The following SPTA1 variants were observed in gnomAD, a reference collection of about 807,000 sequenced individuals.
SPTA1 encodes spectrin alpha, erythrocytic 1.
SPTA1 carries 177 observed loss-of-function variants against 324.7 expected under a neutral mutation model. That is an observed-to-expected ratio of 0.55 (90% confidence interval 0.48 to 0.62). The LOEUF (loss-of-function observed/expected upper bound fraction) is 0.62. Among genes scored for constraint, SPTA1 ranks in the 20% least tolerant of loss-of-function variants. The pLI is 0.00. For missense variants in SPTA1, 3,162 were observed against 2,883.6 expected, an observed-to-expected ratio of 1.10 and a Z score of -2.21; for synonymous variants, 1,195 against 1,041.3, an observed-to-expected ratio of 1.15 and a Z score of -2.84.
chr1:158,685,096 G>T lies in SPTA1; in HGVS notation c.264+12C>A, dbSNP rs780523648. On this transcript the variant is annotated intron_variant, in intron 2 of 51. Transcript: ENST00000643759. The stretch of plus-strand genomic sequence containing the variant: ...AGGGTCTGCTCTGAGGCAATCAAGA[G>T]AACTGAGTGACCTGTATATTAGTTG... 9.3e-6 allele frequency: 15 copies of T among 1,613,434 alleles called. No homozygotes were observed. The Admixed American group carries it at 1.5e-4, about 16-fold the overall frequency.
At chr1:158,663,171 A>G (rs910324407) in intron 16 of SPTA1, among the ~76,000 whole-genome samples, 2 of 152,230 alleles carry the variant, frequency 1.3e-5, no homozygotes, top group Non-Finnish European at 2.9e-5. Flanking sequence ...CATATTTTAG[A>G]AACATCAAAA....
rs747304724 is a variant in SPTA1 at position 158,639,952 on chromosome 1, T to A, written c.4793A>T (p.Asp1598Val). ...HWDHLLERTN[D>V]KGKKLNEASR... ...GGCCTCATTGAGCTTCTTCCCTTTG[T>A]CATTTGTTCTCTCAAGCAGATGATC... is the stretch of plus-strand genomic sequence containing the variant. Residue 1598 changes from aspartate (D) to valine (V), a missense_variant, in exon 34 of 52, where the codon GAC becomes GTC. Physicochemically the swap from Asp to Val is radical, Grantham distance 152. Transcript: ENST00000643759. 4.3e-6 allele frequency: 7 copies of A among 1,613,944 alleles called. No homozygotes were observed. The highest frequency in any genetic ancestry group is 5.9e-6 in the Non-Finnish European group (7 of 1,179,922).
In SPTA1 at chr1:158,636,718, G is replaced by C; in HGVS notation, c.5233C>G (p.Leu1745Val). The change falls in exon 37 of 52, where the codon CTT (leucine) becomes GTT (valine). Residue 1745 changes from leucine to valine, a missense_variant. Leu to Val is a conservative substitution (Grantham distance 32). Coordinates refer to ENST00000643759, the MANE Select transcript of SPTA1 (RefSeq NM_003126.4). ...TTCAGCAAGTTCTGAACCCCCTGAA[G>C]ATCTCTCCCATAGTCCTGGGAGCTC... ...RVSSQDYGRD[L>V]QGVQNLLKKH... The C allele has an allele frequency of 1.2e-6, 2 of 1,614,108 alleles. No homozygotes were observed. Among genetic ancestry groups the C allele is most frequent in the Non-Finnish European group, 1.7e-6 (2 of 1,180,014 alleles).
intron 43 of SPTA1, 141 bp from the exon 44 acceptor site, chr1:158,620,607 G>T: frequency 2.0e-6 from 2 of 983,340 alleles, no homozygotes; most frequent in African/African-American, 1.6e-5. Context: ...AACCAATAGG[G>T]ACTGTGTACT....
intron 24 of SPTA1, among the ~76,000 whole-genome samples, chr1:158,650,768 T>C (rs1188218270): frequency 6.6e-6 from 1 of 152,200 alleles, no homozygotes; most frequent in Non-Finnish European, 1.5e-5. Flanking sequence ...TATTCCAAAA[T>C]TGCAGTTCAA....
At position 158,644,351 on chromosome 1, in the gene SPTA1, G is replaced by C. The variant is rs201399968; in HGVS notation, c.4240C>G (p.Arg1414Gly). The part of the protein sequence containing the change: ...CDQVESWMVA[R>G]ENSLRSDDKS... ...TCATCTGACCTCAGGGAATTCTCAC[G>C]TGCCACCATCCAGCTCTCAACTTGA... The change falls in exon 30 of 52, where the codon CGT becomes GGT. Residue 1414 changes from arginine (R) to glycine (G), a missense_variant. Coordinates refer to ENST00000643759, the MANE Select transcript of SPTA1 (RefSeq NM_003126.4). The C allele has an allele frequency of 2.5e-6, 4 of 1,613,730 alleles. No individual in the cohort carries two copies. Among genetic ancestry groups the C allele is most frequent in the Admixed American group, 3.3e-5 (2 of 59,946 alleles).
intron 12 of SPTA1, among the ~76,000 whole-genome samples, chr1:158,670,957 A>G (rs1011463382): frequency 6.6e-6 from 1 of 152,122 alleles, no homozygotes; most frequent in Non-Finnish European, 1.5e-5. Flanking sequence ...ACACTGAAGA[A>G]AATATAAAAC....
At chr1:158,673,781 A>T (rs1654194502) in intron 10 of SPTA1, among the ~76,000 whole-genome samples, 1 of 152,160 alleles carries the variant, frequency 6.6e-6, no homozygotes, top group Non-Finnish European at 1.5e-5. Context: ...GGGTTGATGA[A>T]ATAAATGCTC....
chr1:158,647,724 G>A lies in SPTA1; in HGVS notation c.3715-4C>T. The stretch of plus-strand genomic sequence containing the variant: ...CTGTCTCCCCCAGTATGGTCACCTG[G>A]GGAGGTACAATAGCTCTGATAATCA... On this transcript the variant is annotated splice_polypyrimidine_tract_variant and splice_region_variant and intron_variant, in intron 26 of 51. Transcript: ENST00000643759. 2 of 1,613,710 alleles carry A rather than the reference G, an allele frequency of 1.2e-6. No homozygotes were observed. The highest frequency in any genetic ancestry group is 3.3e-5 in the Admixed American group (2 of 59,954).
In SPTA1 at chr1:158,683,508, A is replaced by G; in HGVS notation, c.265-12T>C. 1 of 1,612,720 alleles carries G rather than the reference A, an allele frequency of 6.2e-7. No individual in the cohort carries two copies. The highest frequency in any genetic ancestry group is 8.5e-7 in the Non-Finnish European group (1 of 1,179,184). ...TTCTGATATTTCCCCTAAAGTTTAG[A>G]AATCAGAGTTTTTGTCTAATGAAGC... is the stretch of plus-strand genomic sequence containing the variant. On this transcript the variant is annotated splice_polypyrimidine_tract_variant and intron_variant, in intron 2 of 51. Transcript: ENST00000643759.
intron 37 of SPTA1, 106 bp from the exon 38 acceptor site, chr1:158,636,140 T>C (rs1357602213): frequency 2.5e-6 from 4 of 1,591,774 alleles, no homozygotes; most frequent in Non-Finnish European, 2.6e-6. Flanking sequence ...AGATTATTTA[T>C]AAACTCCACG....
rs1653740884 is a variant in SPTA1 at position 158,668,075 on chromosome 1, G to GCAAAAAAAAAAAAA, written c.1834-14_1834-13insTTTTTTTTTTTTTG. On this transcript the variant is annotated splice_polypyrimidine_tract_variant and intron_variant, in intron 14 of 51. Coordinates refer to ENST00000643759, the MANE Select transcript of SPTA1 (RefSeq NM_003126.4). ...AGTTCTGTATGTCCTGAGATAAGAT[G>GCAAAAAAAAAAAAA]AAAAAAAAAAAAAAAACCATTACCT... The GCAAAAAAAAAAAAA allele has an allele frequency of 7.6e-7, 1 of 1,312,520 alleles. No individual in the cohort carries two copies. Among genetic ancestry groups the GCAAAAAAAAAAAAA allele is most frequent in the Non-Finnish European group, 1.0e-6 (1 of 966,012 alleles). The allele number at this position is 1,312,520 out of a possible 1,614,324, so 81.3% of individuals were successfully genotyped here.
chr1:158,675,149 A>ATGCTCATCT (rs1258621888), intron 8 of SPTA1, among the ~76,000 whole-genome samples: 1 of 152,184 alleles, frequency 6.6e-6, no homozygotes, highest in Admixed American at 6.5e-5. Context: ...AAAAAGTTAA[A>ATGCTCATCT]TGCTCATCTT....
chr1:158,620,182 A>T lies in SPTA1; in HGVS notation c.6405T>A (p.Ser2135=). The T allele has an allele frequency of 6.2e-7, 1 of 1,614,188 alleles. No individual in the cohort carries two copies. The highest frequency in any genetic ancestry group is 1.1e-5 in the South Asian group (1 of 91,088). ...TGTTCCAGGTTACCTCAATGATGTC[A>T]GATAGGTGCTTCCAGGTCCTTTCCA... The part of the protein sequence containing the change: ...EVLERTWKHL[S]DIIEEREQEL... The change falls in exon 44 of 52, where the codon TCT becomes TCA. Residue 2135 remains serine, a synonymous_variant. Transcript: ENST00000643759.
At chr1:158,670,862 A>G (rs12128153) in intron 12 of SPTA1, among the ~76,000 whole-genome samples, 3,124 of 152,256 alleles carry the variant, frequency 0.021, 54 homozygotes, top group Non-Finnish European at 0.033. Flanking sequence ...TTATATTAAG[A>G]TATTGCTAGA....
intron 47 of SPTA1, 71 bp downstream of exon 47, chr1:158,617,466 C>T: frequency 7.7e-7 from 1 of 1,301,082 alleles, no homozygotes; most frequent in East Asian, 2.3e-5. Flanking sequence ...CCTGGGCTTC[C>T]CTTAGGTGAT....
chr1:158,628,053 T>C (rs3737517), intron 39 of SPTA1, among the ~76,000 whole-genome samples: 40,790 of 152,038 alleles, frequency 0.27, 5,636 homozygotes, highest in Middle Eastern at 0.32. Context: ...ATTTATCTAA[T>C]TCAATGAAAC....
intron 39 of SPTA1, 44 bp downstream of exon 39, chr1:158,634,499 C>G (rs1285883772): frequency 6.2e-7 from 1 of 1,611,648 alleles, no homozygotes; most frequent in Non-Finnish European, 8.5e-7. Context: ...AGAAAATAAC[C>G]AAATTGAAGA....
In SPTA1 at chr1:158,634,352, C is replaced by T. The variant is rs745766258; in HGVS notation, c.5565+191G>A. Among the ~76,000 whole-genome samples, 10 of 152,162 alleles carry T rather than the reference C, an allele frequency of 6.6e-5. 1 individual carries two copies. The highest frequency in any genetic ancestry group is 1.3e-4 in the Non-Finnish European group (9 of 68,028). On this transcript the variant is annotated intron_variant, in intron 39 of 51. Coordinates refer to ENST00000643759, the MANE Select transcript of SPTA1 (RefSeq NM_003126.4). ...TCCTGCCTTCATGCCTGATTGGTTC[C>T]GTAATCTTGGGCAAGTCACTTACAT...
Sources: gnomAD v4.1 joint callset for allele counts (sites outside exome capture counted in the v4.1 genomes callset) on GRCh38, gnomAD v4.1.1 for gene constraint, MANE v1.5 for transcripts, NCBI Gene and HGNC (gene_info 2026-07-23, HGNC 2026-07-21) for gene names.